The following ATRNL1 variants were observed in gnomAD, a reference collection of about 807,000 sequenced individuals.
ATRNL1 encodes attractin-like protein 1.
ATRNL1 carries 95 observed loss-of-function variants against 182.7 expected under a neutral mutation model. The ratio of observed to expected loss-of-function variants is 0.52; its 90% CI spans 0.44 to 0.62. ATRNL1 has a LOEUF of 0.62. Among genes scored for constraint, ATRNL1 ranks in the 20% least tolerant of loss-of-function variants. The pLI is 0.00. For synonymous variants in ATRNL1, 576 were observed against 568.3 expected (o/e 1.01, Z -0.19); for missense variants, 1,471 against 1,679.5 (o/e 0.88, Z 2.17).
At chr10:115,372,740 T>G (rs1305841662) in intron 19 of ATRNL1, among the ~76,000 whole-genome samples, 3 of 152,278 alleles carry the variant, frequency 2.0e-5, no homozygotes, top group Middle Eastern at 3.4e-3. Flanking sequence ...TATGTCTGCT[T>G]TTGTGCTGGT....
intron 27 of ATRNL1, among the ~76,000 whole-genome samples, chr10:115,765,986 G>A (rs368909830): frequency 3.0e-3 from 6 of 2,016 alleles, no homozygotes; most frequent in East Asian, 0.045. Flanking sequence ...CCCCCCCCCG[G>A]CTCACTAAAG....
chr10:115,873,003 A>T (rs1555106464), intron 28 of ATRNL1, among the ~76,000 whole-genome samples: 1 of 152,242 alleles, frequency 6.6e-6, no homozygotes, highest in East Asian at 1.9e-4. Flanking sequence ...CTTTCCGATC[A>T]TATTTCAGTT....
chr10:115,630,134 AT>A (rs1477021545), intron 26 of ATRNL1, among the ~76,000 whole-genome samples: 1 of 152,120 alleles, frequency 6.6e-6, no homozygotes, highest in African/African-American at 2.4e-5. Flanking sequence ...CCTTTGTTTA[AT>A]TATCAGAATT....
rs879956221 is a variant in ATRNL1 at position 115,533,827 on chromosome 10, A to G, written c.3716+14503A>G. 4.3e-3 allele frequency among the ~76,000 whole-genome samples: 648 copies of G among 150,558 alleles called. 1 individual carries two copies. The highest frequency in any genetic ancestry group is 4.4e-3 in the Non-Finnish European group (300 of 67,484). On this transcript the variant is annotated intron_variant, in intron 25 of 28. Coordinates refer to ENST00000355044, the MANE Select transcript of ATRNL1 (RefSeq NM_207303.4). ...TGTCTTTGTTCTCGTTGGTTTCAAA[A>G]AACATCTTTATTTCTGCCTTCATTT...
intron 27 of ATRNL1, among the ~76,000 whole-genome samples, chr10:115,839,873 A>G (rs1306329378): frequency 2.0e-5 from 3 of 152,176 alleles, no homozygotes; most frequent in Non-Finnish European, 2.9e-5. Flanking sequence ...TACATTAATG[A>G]ATGACATAAT....
At chr10:115,281,629 C>A in intron 14 of ATRNL1, 142 bp downstream of exon 14, 1 of 794,426 alleles carries the variant, frequency 1.3e-6, no homozygotes, top group African/African-American at 1.8e-5. Flanking sequence ...GTACTAATAA[C>A]ACTGTTTCTA....
At chr10:115,398,727 A>C (rs1440296286) in intron 20 of ATRNL1, among the ~76,000 whole-genome samples, 1 of 152,016 alleles carries the variant, frequency 6.6e-6, no homozygotes, top group Non-Finnish European at 1.5e-5. Context: ...CCTGGTGAGA[A>C]CTTCAGATAC....
intron 9 of ATRNL1, among the ~76,000 whole-genome samples, chr10:115,225,291 C>T (rs1487759959): frequency 6.6e-6 from 1 of 151,424 alleles, no homozygotes; most frequent in Non-Finnish European, 1.5e-5. Flanking sequence ...CTCTGGTGAA[C>T]TAGGAATGGA....
At chr10:115,729,955 T>A (rs1238594466) in intron 27 of ATRNL1, among the ~76,000 whole-genome samples, 5 of 152,040 alleles carry the variant, frequency 3.3e-5, no homozygotes, top group Admixed American at 6.6e-5. Flanking sequence ...CTAAAAGATT[T>A]TTTTCAAAGA....
chr10:115,222,113 A>G (rs782110218), intron 9 of ATRNL1, among the ~76,000 whole-genome samples: 1 of 152,084 alleles, frequency 6.6e-6, no homozygotes, highest in South Asian at 2.1e-4. Context: ...ACAGGCCTGG[A>G]TACTCATACT....
At chr10:115,474,969 A>G (rs1848470144) in intron 24 of ATRNL1, among the ~76,000 whole-genome samples, 2 of 151,294 alleles carry the variant, frequency 1.3e-5, no homozygotes, top group Non-Finnish European at 3.0e-5. Context: ...CCTAGGTGAT[A>G]ATGTGCACAG....
At chr10:115,125,370 T>G (rs1441194602) in intron 3 of ATRNL1, among the ~76,000 whole-genome samples, 1 of 152,178 alleles carries the variant, frequency 6.6e-6, no homozygotes, top group African/African-American at 2.4e-5. Context: ...GTTATGTAAT[T>G]ATAGGTCCTA....
At chr10:115,267,303 AT>A (rs1554911185) in intron 12 of ATRNL1, among the ~76,000 whole-genome samples, 2 of 151,186 alleles carry the variant, frequency 1.3e-5, no homozygotes, top group African/African-American at 4.8e-5. Context: ...CCAGTACATC[AT>A]TTCTAAGAAG....
intron 19 of ATRNL1, among the ~76,000 whole-genome samples, chr10:115,378,136 T>C (rs758150145): frequency 1.3e-5 from 2 of 152,116 alleles, no homozygotes; most frequent in Non-Finnish European, 2.9e-5. Context: ...TTCATATCTG[T>C]CTCTGGGATA....
In ATRNL1 at chr10:115,199,854, AT is replaced by A. The variant is rs1848495069; in HGVS notation, c.1349-15841del. ...GAGAAAGAAATGTTTGAATGCTTCT[AT>A]TCAGAATGCTTCTATTCTTTCTACA... is the stretch of plus-strand genomic sequence containing the variant. On this transcript the variant is annotated intron_variant, in intron 8 of 28. Transcript: ENST00000355044. 2.6e-5 allele frequency among the ~76,000 whole-genome samples: 4 copies of A among 152,278 alleles called. No individual in the cohort carries two copies. The South Asian group carries it at 8.3e-4, about 32-fold the overall frequency.
intron 26 of ATRNL1, among the ~76,000 whole-genome samples, chr10:115,592,816 A>G (rs760729198): frequency 1.3e-5 from 2 of 151,814 alleles, no homozygotes; most frequent in Non-Finnish European, 2.9e-5. Context: ...TGTTGTTGAA[A>G]CTCTATATAT....
chr10:115,620,888 C>T (rs1592959697), intron 26 of ATRNL1, among the ~76,000 whole-genome samples: 1 of 152,194 alleles, frequency 6.6e-6, no homozygotes, highest in East Asian at 1.9e-4. Flanking sequence ...CTTATCATGG[C>T]TGTAAACCAA....
intron 28 of ATRNL1, among the ~76,000 whole-genome samples, chr10:115,897,716 C>A (rs368044048): frequency 2.0e-5 from 3 of 152,062 alleles, no homozygotes; most frequent in African/African-American, 7.2e-5. Flanking sequence ...AGTTGAAAAT[C>A]GAAATTTGAG....
intron 5 of ATRNL1, among the ~76,000 whole-genome samples, chr10:115,154,909 G>A (rs1178479971): frequency 6.6e-5 from 10 of 152,082 alleles, no homozygotes; most frequent in Admixed American, 6.6e-4. Flanking sequence ...TTGGCCCAGG[G>A]CCAATTTCTC....
Sources: gnomAD v4.1 joint callset for allele counts (sites outside exome capture counted in the v4.1 genomes callset) on GRCh38, gnomAD v4.1.1 for gene constraint, MANE v1.5 for transcripts, NCBI Gene and HGNC (gene_info 2026-07-23, HGNC 2026-07-21) for gene names.